MIGA2: variants seen among roughly 807,000 people sequenced by gnomAD.
The protein encoded by MIGA2 is family with sequence similarity 73, member B.
A neutral mutation model predicts 69.9 loss-of-function variants in MIGA2; 36 were observed. The ratio of observed to expected loss-of-function variants is 0.52; its 90% CI spans 0.39 to 0.68. The LOEUF (loss-of-function observed/expected upper bound fraction) is 0.68. MIGA2 is among the 30% of genes least tolerant of loss of function. MIGA2 has a pLI of 0.00. For missense variants in MIGA2, 660 were observed against 787.7 expected (o/e 0.84, Z 1.94); for synonymous variants, 333 against 349.2 (o/e 0.95, Z 0.52).
chr9:129,037,600 G>A (rs1844663317), intron 1 of MIGA2, among the ~76,000 whole-genome samples: 1 of 152,100 alleles, frequency 6.6e-6, no homozygotes, highest in African/African-American at 2.4e-5. Flanking sequence ...AGCAGGCTTG[G>A]GGGCTGGTGA....
chr9:129,044,680 G>A (rs1477181724), intron 3 of MIGA2, among the ~76,000 whole-genome samples: 1 of 151,922 alleles, frequency 6.6e-6, no homozygotes, highest in Non-Finnish European at 1.5e-5. Flanking sequence ...AGCCTCCCGA[G>A]TAGCTGGAAT....
In MIGA2 at chr9:129,068,549, C is replaced by G. The variant is rs1011770503; in HGVS notation, c.1404+217C>G. On this transcript the variant is annotated intron_variant, in intron 13 of 15. Coordinates refer to ENST00000684074, the MANE Select transcript of MIGA2 (RefSeq NM_001329990.2). This position sits in a 1 kb window ranked among gnomAD's most constrained non-coding sequence, Gnocchi z 4.1. ...CCCAGTTTAGAACCAACATGGTGTG[C>G]GCTTTCTTCCTATTGTGTGGTTTTA... The G allele has an allele frequency of 1.8e-6, 1 of 570,966 alleles. No homozygotes were observed. Among genetic ancestry groups the G allele is most frequent in the Non-Finnish European group, 3.1e-6 (1 of 323,108 alleles). 35.4% of individuals were successfully genotyped at this position (570,966 alleles called of 1,614,324 possible). A position where few individuals can be genotyped will look rare whatever the true frequency, so the allele number is the denominator to read the frequency against.
chr9:129,037,809 G>A (rs1564596171), intron 1 of MIGA2, among the ~76,000 whole-genome samples: 1 of 152,184 alleles, frequency 6.6e-6, no homozygotes, highest in Non-Finnish European at 1.5e-5. Context: ...AGTTGTAGCA[G>A]GCAGAAGCTG....
chr9:129,043,205 A>C (rs1267709035), intron 3 of MIGA2, among the ~76,000 whole-genome samples: 1 of 151,886 alleles, frequency 6.6e-6, no homozygotes, highest in Non-Finnish European at 1.5e-5. Context: ...AAAAAAAAAA[A>C]AATTTGAGGG....
rs752397380 is a variant in MIGA2, at chr9:129,061,242, C to T, written c.906C>T (p.Ser302=). The change falls in exon 9 of 16, where the codon TCC becomes TCT. Residue 302 remains serine, a synonymous_variant. Transcript: ENST00000684074. The surrounding 1 kb of genome is among the most constrained non-coding windows in gnomAD (Gnocchi z 5.0). ...SFFSATELFE[S]LQTGDYPIPL... ...GCACCCTCTCCCAGCTCTTTGAGTC[C>T]CTGCAGACTGGAGATTACCCGATCC... is the stretch of plus-strand genomic sequence containing the variant. The T allele has an allele frequency of 1.2e-6, 2 of 1,611,298 alleles. No homozygotes were observed. Among genetic ancestry groups the T allele is most frequent in the Non-Finnish European group, 1.7e-6 (2 of 1,179,214 alleles).
chr9:129,065,846 C>T (rs1051309734), intron 11 of MIGA2, among the ~76,000 whole-genome samples: 1 of 152,142 alleles, frequency 6.6e-6, no homozygotes, highest in Non-Finnish European at 1.5e-5. Flanking sequence ...CCCTGAGGCC[C>T]GAGAGAACCC....
Position 129,049,848 on chromosome 9 carries a change from C to G in MIGA2, c.560C>G (p.Ala187Gly). The change falls in exon 6 of 16, where the codon GCT (alanine) becomes GGT (glycine). Residue 187 changes from alanine (A) to glycine (G), a missense_variant. Physicochemically the swap from Ala to Gly is moderately conservative, Grantham distance 60. Transcript: ENST00000684074. ...YMQGMELFEE[A>G]LQKWEQALSV... ...TCAGGCATGGAGCTGTTTGAGGAAG[C>G]TCTGCAGAAGTGGGAGCAGGCACTA... 6.2e-7 allele frequency: 1 copy of G among 1,614,088 alleles called. No individual in the cohort carries two copies. The highest frequency in any genetic ancestry group is 8.5e-7 in the Non-Finnish European group (1 of 1,180,038).
chr9:129,046,748 CTTTGT>C (rs936460700), intron 3 of MIGA2, among the ~76,000 whole-genome samples: 2 of 151,050 alleles, frequency 1.3e-5, no homozygotes, highest in Non-Finnish European at 3.0e-5. Context: ...ACCCGGCTTT[CTTTGT>C]TTTATTTTAT....
chr9:129,037,442 G>A (rs541491003), intron 1 of MIGA2, among the ~76,000 whole-genome samples: 58 of 152,328 alleles, frequency 3.8e-4, no homozygotes, highest in African/African-American at 1.3e-3. Flanking sequence ...AGCAGTAGAA[G>A]TGTCCATTTG....
Position 129,059,108 on chromosome 9 carries a change from C to T in MIGA2, c.676-46C>T, listed in dbSNP as rs368805661. The T allele has an allele frequency of 5.1e-5, 79 of 1,563,590 alleles. 1 individual carries two copies. The highest frequency in any genetic ancestry group is 4.1e-4 in the South Asian group (37 of 89,734). ...GGGTGAGGGAAGGGGCCATTTTCAT[C>T]GGGAGCTTTGAGGGTCTGGGTTGAG... On this transcript the variant is annotated intron_variant, in intron 6 of 15. Coordinates refer to ENST00000684074, the MANE Select transcript of MIGA2 (RefSeq NM_001329990.2). This position sits in a 1 kb window ranked among gnomAD's most constrained non-coding sequence, Gnocchi z 5.6.
chr9:129,056,739 G>A (rs1289505708), intron 6 of MIGA2, among the ~76,000 whole-genome samples: 1 of 150,898 alleles, frequency 6.6e-6, no homozygotes, highest in African/African-American at 2.5e-5. Context: ...GGCTGGTCTC[G>A]AACTCCTGAC....
At position 129,070,018 on chromosome 9, in the gene MIGA2, G is replaced by A. The variant is rs921928927; in HGVS notation, c.1575+53G>A. On this transcript the variant is annotated intron_variant, in intron 15 of 15. Transcript: ENST00000684074. ...CCTGACCCTTGCCCTGAGCACAGGCGCCCTGGGAGGTGCCAGGAATGGGAT... is the reference window on the plus strand; with the variant it reads ...CCTGACCCTTGCCCTGAGCACAGGCACCCTGGGAGGTGCCAGGAATGGGAT... 37 of 1,430,628 alleles carry A rather than the reference G, an allele frequency of 2.6e-5. No individual in the cohort carries two copies. The East Asian group carries it at 3.4e-4, about 13-fold the overall frequency. 88.6% of individuals were successfully genotyped at this position (1,430,628 alleles called of 1,614,324 possible).
At chr9:129,070,065 C>T (rs1846589267) in intron 15 of MIGA2, 100 bp downstream of exon 15, 1 of 1,268,900 alleles carries the variant, frequency 7.9e-7, no homozygotes, top group East Asian at 2.3e-5. Context: ...CCTGGGCCTG[C>T]TCCCAGAGAG....
At chr9:129,047,562 G>A (rs144280836) in intron 3 of MIGA2, among the ~76,000 whole-genome samples, 2,619 of 151,728 alleles carry the variant, frequency 0.017, 77 homozygotes, top group African/African-American at 0.054. Context: ...ACAGGCGTGC[G>A]CCACCCCATC....
intron 5 of MIGA2, 111 bp from the exon 6 acceptor site, chr9:129,049,716 C>G: frequency 6.5e-7 from 1 of 1,546,750 alleles, no homozygotes; most frequent in Non-Finnish European, 8.9e-7. Context: ...CCACACGGTC[C>G]CACCCAGTTC....
At position 129,058,744 on chromosome 9, in the gene MIGA2, C is replaced by T. The variant is rs539919015; in HGVS notation, c.676-410C>T. ...CGAACTCCTGACCTTGTGATCTGCC[C>T]ACCTCGGCCACCCAAAATGCTGGGA... On this transcript the variant is annotated intron_variant, in intron 6 of 15. Coordinates refer to ENST00000684074, the MANE Select transcript of MIGA2 (RefSeq NM_001329990.2). Among the ~76,000 whole-genome samples, 4 of 152,164 alleles carry T rather than the reference C, an allele frequency of 2.6e-5. No homozygotes were observed. In the East Asian group the frequency reaches 5.8e-4, roughly 22 times the overall value.
chr9:129,063,051 A>G, intron 9 of MIGA2, 193 bp from the exon 10 acceptor site: 1 of 603,842 alleles, frequency 1.7e-6, no homozygotes, highest in Non-Finnish European at 2.9e-6. Context: ...TCATCCAGGC[A>G]GCCTCGTCCT....
intron 2 of MIGA2, among the ~76,000 whole-genome samples, chr9:129,040,929 G>A (rs1844869040): frequency 6.6e-6 from 1 of 152,182 alleles, no homozygotes; most frequent in Admixed American, 6.6e-5. Context: ...GATGGCTCAC[G>A]CCTGTAATCC....
intron 9 of MIGA2, 84 bp from the exon 10 acceptor site, chr9:129,063,160 C>A (rs969746326): frequency 7.6e-5 from 109 of 1,425,774 alleles, no homozygotes; most frequent in Middle Eastern, 3.9e-4. Flanking sequence ...GAGCCTCCCC[C>A]CTCCCCACCC....
Sources: gnomAD v4.1 joint callset for allele counts (sites outside exome capture counted in the v4.1 genomes callset) on GRCh38, gnomAD v4.1.1 for gene constraint, Gnocchi (gnomAD v3.1) non-coding constraint, MANE v1.5 for transcripts, NCBI Gene and HGNC (gene_info 2026-07-23, HGNC 2026-07-21) for gene names.